CNIH3: variants seen among roughly 807,000 people sequenced by gnomAD.
CNIH3 encodes cornichon family AMPA receptor auxiliary protein 3, also known as protein cornichon homolog 3.
CNIH3 carries 14 observed loss-of-function variants against 24.1 expected under a neutral mutation model. The observed-to-expected ratio is 0.58, with a 90% confidence interval of 0.38 to 0.91. The LOEUF is 0.91. CNIH3 is among the 40% of genes least tolerant of loss of function. The probability of loss-of-function intolerance (pLI) is 0.00; values close to 1 mark genes in which losing one functional copy is unlikely to be tolerated. For synonymous variants in CNIH3, 68 were observed against 73.8 expected, an observed-to-expected ratio of 0.92 and a Z score of 0.40; for missense variants, 178 against 196.8, an observed-to-expected ratio of 0.90 and a Z score of 0.57.
At chr1:224,671,502 A>G (rs1004367169) in intron 1 of CNIH3, among the ~76,000 whole-genome samples, 4 of 152,208 alleles carry the variant, frequency 2.6e-5, no homozygotes, top group Admixed American at 6.5e-5. Context: ...GCATGGCCCA[A>G]TGGAGGAAGC....
In CNIH3 at chr1:224,674,248, A is replaced by G. The variant is rs541219257; in HGVS notation, c.82-6710A>G. On this transcript the variant is annotated intron_variant, in intron 1 of 5. Transcript: ENST00000272133. Reference sequence around the variant, plus strand: ...TTAGCTAATGCACATTGACATTTCAATCGTTTCTTCATCTTCCAGGAAGGT... The same window carrying G: ...TTAGCTAATGCACATTGACATTTCAGTCGTTTCTTCATCTTCCAGGAAGGT... 2.2e-4 allele frequency among the ~76,000 whole-genome samples: 26 copies of G among 115,812 alleles called. 1 individual carries two copies. The highest frequency in any genetic ancestry group is 6.5e-4 in the Admixed American group (7 of 10,784). 76.0% of individuals were successfully genotyped at this position (115,812 alleles called of 152,430 possible). A position where few individuals can be genotyped will look rare whatever the true frequency, so the allele number is the denominator to read the frequency against.
chr1:224,501,925 G>T (rs1335339250), intron 1 of CNIH3, among the ~76,000 whole-genome samples: 1 of 152,178 alleles, frequency 6.6e-6, no homozygotes, highest in African/African-American at 2.4e-5. Flanking sequence ...AGGGGTCCCT[G>T]TTGGAGATGA....
Position 224,616,371 on chromosome 1 carries a change from A to G in CNIH3, c.-804A>G, listed in dbSNP as rs2125059524. The G allele has an allele frequency of 1.5e-6, 1 of 682,728 alleles. No individual in the cohort carries two copies. The allele number at this position is 682,728 out of a possible 1,614,324, so 42.3% of individuals were successfully genotyped here. On this transcript the variant is annotated 5_prime_UTR_variant, in exon 1 of 6. Transcript: ENST00000272133. ...GGCAGCGGCAGCAGCAGGTGGAGCG[A>G]GCTACAGCGTTTGGCCTGAAACCCA...
intron 3 of CNIH3, among the ~76,000 whole-genome samples, chr1:224,554,652 C>T (rs1025494449): frequency 9.2e-5 from 14 of 151,822 alleles, no homozygotes; most frequent in South Asian, 6.2e-4. Context: ...GGTGTGATCA[C>T]GGCTTAGTGA....
intron 5 of CNIH3, among the ~76,000 whole-genome samples, chr1:224,585,208 C>T (rs4654049): frequency 0.39 from 59,162 of 151,914 alleles, 12,005 homozygotes; most frequent in East Asian, 0.59. Flanking sequence ...CTTCCTTGCC[C>T]GTTTCCCTAG....
At chr1:224,508,501 T>G (rs1422860763) in intron 1 of CNIH3, among the ~76,000 whole-genome samples, 1 of 152,220 alleles carries the variant, frequency 6.6e-6, no homozygotes, top group Non-Finnish European at 1.5e-5. Context: ...GGACCATTAG[T>G]TATACCCTGT....
At chr1:224,630,734 G>A (rs1683777245) in intron 1 of CNIH3, among the ~76,000 whole-genome samples, 1 of 152,180 alleles carries the variant, frequency 6.6e-6, no homozygotes, top group Admixed American at 6.5e-5. Flanking sequence ...TCACCATCCA[G>A]AGGCTTCTGG....
At chr1:224,497,804 T>C (rs537295348) in intron 1 of CNIH3, among the ~76,000 whole-genome samples, 2 of 152,302 alleles carry the variant, frequency 1.3e-5, no homozygotes, top group Admixed American at 1.3e-4. Flanking sequence ...GAAGCCCGGA[T>C]CTGGGCAAAA....
intron 1 of CNIH3, chr1:224,435,090 T>A (rs1263011732): frequency 1.9e-5 from 19 of 985,398 alleles, no homozygotes; most frequent in Non-Finnish European, 2.3e-5. Context: ...CGGGCGTGCA[T>A]GGGATGGCAG....
At chr1:224,579,005 C>T (rs574435331) in intron 4 of CNIH3, among the ~76,000 whole-genome samples, 3 of 151,134 alleles carry the variant, frequency 2.0e-5, no homozygotes, top group Non-Finnish European at 2.9e-5. Flanking sequence ...GAGTAGAGAA[C>T]AACTCTATTG....
At chr1:224,563,109 C>T (rs1404812888) in intron 3 of CNIH3, among the ~76,000 whole-genome samples, 1 of 152,042 alleles carries the variant, frequency 6.6e-6, no homozygotes, top group African/African-American at 2.4e-5. Context: ...AAAGCCATGC[C>T]CAAGAATGTT....
At position 224,684,946 on chromosome 1, in the gene CNIH3, C is replaced by T; in HGVS notation, c.198+103C>T. On this transcript the variant is annotated intron_variant, in intron 3 of 5. Transcript: ENST00000272133. The surrounding 1 kb of genome is among the most constrained non-coding windows in gnomAD (Gnocchi z 4.2). ...GCTCTGCCTGCTCCAGTCCTGTCCA[C>T]CAGGGAGGCAAATGGTGGCAGGGAA... 9.0e-7 allele frequency: 1 copy of T among 1,115,214 alleles called. No individual in the cohort carries two copies. The highest frequency in any genetic ancestry group is 1.7e-5 in the Admixed American group (1 of 59,020). 69.1% of individuals were successfully genotyped at this position (1,115,214 alleles called of 1,614,324 possible).
chr1:224,506,260 TGCACGCACACGCGCGCGCGC>T (rs1009756228), intron 1 of CNIH3, among the ~76,000 whole-genome samples: 1 of 138,426 alleles, frequency 7.2e-6, no homozygotes. Flanking sequence ...TACACTCATA[TGCACGCACACGCGCGCGCGC>T]GCGCGCGCAC....
chr1:224,659,246 G>A (rs1272454523), intron 1 of CNIH3, among the ~76,000 whole-genome samples: 1 of 152,202 alleles, frequency 6.6e-6, no homozygotes, highest in African/African-American at 2.4e-5. Context: ...TGTAGCAGGA[G>A]TAGGTGCCTT....
intron 3 of CNIH3, among the ~76,000 whole-genome samples, chr1:224,550,998 T>C (rs183806093): frequency 1.8e-4 from 28 of 152,130 alleles, no homozygotes; most frequent in Non-Finnish European, 3.5e-4. Context: ...ATCAGAGAAA[T>C]GCGAATCAAA....
At chr1:224,612,013 C>A (rs1682724530), upstream of CNIH3, among the ~76,000 whole-genome samples, 2 of 152,110 alleles carry the variant, frequency 1.3e-5, no homozygotes, top group African/African-American at 2.4e-5. This position sits in a 1 kb window ranked among gnomAD's most constrained non-coding sequence, Gnocchi z 4.7. Flanking sequence ...CAAAGCAGGA[C>A]CAGGTAAATG....
intron 1 of CNIH3, among the ~76,000 whole-genome samples, chr1:224,667,753 T>TAAAA (rs5781378): frequency 7.3e-6 from 1 of 137,786 alleles, no homozygotes; most frequent in Admixed American, 7.1e-5. Flanking sequence ...GTCAGTCCAA[T>TAAAA]AAAAAAAAAA....
Position 224,523,489 on chromosome 1 carries a change from C to A in CNIH3, n.343+2162C>A, listed in dbSNP as rs531433611. Among the ~76,000 whole-genome samples the A allele has an allele frequency of 5.3e-5, 8 of 152,184 alleles. No individual in the cohort carries two copies. The South Asian group carries it at 1.7e-3, about 32-fold the overall frequency. Reference sequence around the variant, plus strand: ...CATTTATGTAAGACTCAAGACCAGGCAAAATGAATATATGGTGTTAGAACT... The same window carrying A: ...CATTTATGTAAGACTCAAGACCAGGAAAAATGAATATATGGTGTTAGAACT... On this transcript the variant is annotated intron_variant and non_coding_transcript_variant, in intron 2 of 2. Transcript: ENST00000470602.
rs570988998 is a variant in CNIH3 at position 224,619,643 on chromosome 1, A to G, written c.81+2388A>G. On this transcript the variant is annotated intron_variant, in intron 1 of 5. Transcript: ENST00000272133. Reference sequence around the variant, plus strand: ...GTTTGTATGTCTGGGTGTTAGTTACATGGTAGTAATTATTTCAACCAAAAT... The same window carrying G: ...GTTTGTATGTCTGGGTGTTAGTTACGTGGTAGTAATTATTTCAACCAAAAT... 1.4e-3 allele frequency among the ~76,000 whole-genome samples: 207 copies of G among 152,282 alleles called. 3 individuals carry two copies. The highest frequency in any genetic ancestry group is 4.8e-3 in the African/African-American group (198 of 41,556).
Sources: allele counts gnomAD v4.1 joint callset (sites outside exome capture counted in the v4.1 genomes callset), GRCh38; gene constraint gnomAD v4.1.1; non-coding constraint Gnocchi (gnomAD v3.1); transcripts MANE v1.5; gene names NCBI Gene and HGNC (gene_info 2026-07-23, HGNC 2026-07-21).